The following BCL2 variants were observed in gnomAD, a reference collection of about 807,000 sequenced individuals.
The protein encoded by BCL2 is apoptosis regulator Bcl-2.
In BCL2, 1 loss-of-function variant was observed where a neutral mutation model predicts 14.2. The ratio of observed to expected loss-of-function variants is 0.07; its 90% CI spans 0.02 to 0.33. The LOEUF (loss-of-function observed/expected upper bound fraction) is 0.33. Among genes scored for constraint, BCL2 ranks in the 10% least tolerant of loss-of-function variants. BCL2 has a pLI of 0.99. For missense variants in BCL2, 247 were observed against 305.9 expected, an observed-to-expected ratio of 0.81 and a Z score of 1.44; for synonymous variants, 151 against 137.2, an observed-to-expected ratio of 1.10 and a Z score of -0.70.
At chr18:63,270,825 A>ATTTT (rs71162617) in intron 2 of BCL2, among the ~76,000 whole-genome samples, 1 of 148,578 alleles carries the variant, frequency 6.7e-6, no homozygotes, top group Non-Finnish European at 1.5e-5. Flanking sequence ...AACTTGAAGA[A>ATTTT]TTTTTTTTTT....
At chr18:63,309,940 G>A (rs996709324) in intron 2 of BCL2, among the ~76,000 whole-genome samples, 4 of 152,034 alleles carry the variant, frequency 2.6e-5, no homozygotes, top group African/African-American at 9.7e-5. Context: ...TCGGCTCACT[G>A]CAACCTCCGC....
chr18:63,265,962 C>T (rs186246803), intron 2 of BCL2, among the ~76,000 whole-genome samples: 1 of 152,222 alleles, frequency 6.6e-6, no homozygotes, highest in African/African-American at 2.4e-5. Context: ...TCATAAACTA[C>T]TAATGAGAAA....
intron 2 of BCL2, among the ~76,000 whole-genome samples, chr18:63,224,378 G>A (rs1910488989): frequency 6.6e-6 from 1 of 152,148 alleles, no homozygotes; most frequent in African/African-American, 2.4e-5. Context: ...AGAATATAGG[G>A]GGACAGGAAA....
At chr18:63,237,097 G>A (rs1670621937) in intron 2 of BCL2, among the ~76,000 whole-genome samples, 1 of 152,158 alleles carries the variant, frequency 6.6e-6, no homozygotes, top group Non-Finnish European at 1.5e-5. Context: ...CCTGGTGGCG[G>A]CTGGTCCCCA....
intron 2 of BCL2, among the ~76,000 whole-genome samples, chr18:63,159,573 G>C (rs1048360743): frequency 6.6e-6 from 1 of 152,208 alleles, no homozygotes; most frequent in African/African-American, 2.4e-5. Context: ...AATTTTGATA[G>C]AATGTAACAG....
At position 63,149,844 on chromosome 18, in the gene BCL2, C is replaced by CATTT. The variant is rs372022076; in HGVS notation, c.586-21089_586-21086dup. Among the ~76,000 whole-genome samples, 5,991 of 147,318 alleles carry CATTT rather than the reference C, an allele frequency of 0.041. 157 individuals carry two copies. The highest frequency in any genetic ancestry group is 0.068 in the Admixed American group (1,000 of 14,768). On this transcript the variant is annotated intron_variant, in intron 2 of 2. Coordinates refer to ENST00000333681, the MANE Select transcript of BCL2 (RefSeq NM_000633.3). This position sits in a 1 kb window ranked among gnomAD's most constrained non-coding sequence, Gnocchi z 4.2. ...CAGAAAGGGTTCTCCTGACATGAGG[C>CATTT]ATTTATTTATTTATTTATTTATTTA...
intron 2 of BCL2, among the ~76,000 whole-genome samples, chr18:63,152,861 G>C (rs939567449): frequency 6.6e-6 from 1 of 152,118 alleles, no homozygotes; most frequent in African/African-American, 2.4e-5. Context: ...TTTGATAATG[G>C]GTCCTTCAGC....
chr18:63,139,204 C>T (rs1914291504), intron 2 of BCL2, among the ~76,000 whole-genome samples: 1 of 152,196 alleles, frequency 6.6e-6, no homozygotes, highest in Non-Finnish European at 1.5e-5. Flanking sequence ...TCATGTCCCT[C>T]CTGCAAGAAG....
chr18:63,198,880 CACAG>C (rs1172836689), intron 2 of BCL2, among the ~76,000 whole-genome samples: 1 of 151,662 alleles, frequency 6.6e-6, no homozygotes, highest in African/African-American at 2.4e-5. Flanking sequence ...CACAGTGACA[CACAG>C]ACACAGAGAC....
chr18:63,247,198 G>A (rs1411253030), intron 2 of BCL2, among the ~76,000 whole-genome samples: 1 of 144,240 alleles, frequency 6.9e-6, no homozygotes, highest in African/African-American at 2.6e-5. Context: ...AGATGCAACA[G>A]GATTTTTTTT....
intron 2 of BCL2, among the ~76,000 whole-genome samples, chr18:63,218,682 T>A (rs1375359539): frequency 0.011 from 4 of 364 alleles, no homozygotes; most frequent in Non-Finnish European, 0.019. Context: ...ATCCCCATCC[T>A]CCACTCATCC....
At chr18:63,312,614 T>C (rs1913365111) in intron 2 of BCL2, among the ~76,000 whole-genome samples, 1 of 152,230 alleles carries the variant, frequency 6.6e-6, no homozygotes, top group Non-Finnish European at 1.5e-5. Context: ...GTAACTAGCA[T>C]CGTAGAAGTG....
At chr18:63,151,523 G>A (rs1914651949) in intron 2 of BCL2, among the ~76,000 whole-genome samples, 1 of 146,104 alleles carries the variant, frequency 6.8e-6, no homozygotes, top group South Asian at 2.3e-4. Context: ...GGGGGCGAGG[G>A]GAGGGGACAG....
chr18:63,314,159 A>G (rs149157878), intron 2 of BCL2: 1 of 152,350 alleles, frequency 6.6e-6, no homozygotes, highest in East Asian at 1.9e-4. Context: ...TTGTAGGCAG[A>G]AAGATGCACT....
chr18:63,173,302 A>G (rs1915271358), intron 2 of BCL2, among the ~76,000 whole-genome samples: 1 of 152,244 alleles, frequency 6.6e-6, no homozygotes, highest in African/African-American at 2.4e-5. Flanking sequence ...TCTGTTTCCA[A>G]CATATATTTT....
chr18:63,293,249 TTC>T (rs768570936), intron 2 of BCL2, among the ~76,000 whole-genome samples: 86 of 152,294 alleles, frequency 5.6e-4, no homozygotes, highest in Admixed American at 1.2e-3. Context: ...CAGGATGAAA[TTC>T]TCTCTAATTC....
chr18:63,249,761 A>G lies in BCL2; in HGVS notation c.585+68321T>C, dbSNP rs1345821545. Among the ~76,000 whole-genome samples, 8 of 151,126 alleles carry G rather than the reference A, an allele frequency of 5.3e-5. No homozygotes were observed. The East Asian group carries it at 1.5e-3, about 29-fold the overall frequency. ...AAGCTCTGAATTTAACAGAGGAGTT[A>G]ACCAAGACCCCCAGGGTGAAGGGAC... On this transcript the variant is annotated intron_variant, in intron 2 of 2. Coordinates refer to ENST00000333681, the MANE Select transcript of BCL2 (RefSeq NM_000633.3).
At chr18:63,303,543 A>T (rs142754401) in intron 2 of BCL2, among the ~76,000 whole-genome samples, 25 of 152,326 alleles carry the variant, frequency 1.6e-4, no homozygotes, top group African/African-American at 6.0e-4. Context: ...TTGTTTTAAA[A>T]ATTTAAGTTC....
intron 2 of BCL2, among the ~76,000 whole-genome samples, chr18:63,191,364 G>C (rs1026019454): frequency 3.3e-5 from 5 of 152,152 alleles, no homozygotes; most frequent in African/African-American, 9.7e-5. Context: ...GCCAGCATCT[G>C]TTGTTTTTTG....
Sources: allele counts gnomAD v4.1 joint callset (sites outside exome capture counted in the v4.1 genomes callset), GRCh38; gene constraint gnomAD v4.1.1; non-coding constraint Gnocchi (gnomAD v3.1); transcripts MANE v1.5; gene names NCBI Gene and HGNC (gene_info 2026-07-23, HGNC 2026-07-21).